The following HIBADH variants were observed in gnomAD, a reference collection of about 807,000 sequenced individuals.
HIBADH encodes the protein 3-hydroxyisobutyrate dehydrogenase, mitochondrial.
Under a neutral mutation model 36.1 loss-of-function variants are expected in HIBADH, and 25 were observed. The observed-to-expected ratio is 0.69, with a 90% confidence interval of 0.50 to 0.97. HIBADH has a LOEUF of 0.97. Ranked by LOEUF, HIBADH falls within the 50% of genes least tolerant of loss-of-function variation. The pLI is 0.00. For synonymous variants in HIBADH, 160 were observed against 149.5 expected (o/e 1.07, Z -0.51); for missense variants, 421 against 418.0 (o/e 1.01, Z -0.06).
intron 4 of HIBADH, among the ~76,000 whole-genome samples, chr7:27,607,300 G>C (rs567986085): frequency 2.0e-5 from 3 of 152,246 alleles, no homozygotes; most frequent in Non-Finnish European, 4.4e-5. Flanking sequence ...CTGAGGTCAG[G>C]AGTTCGAGGC....
At chr7:27,653,464 G>A (rs6944455) in intron 1 of HIBADH, among the ~76,000 whole-genome samples, 23,786 of 152,040 alleles carry the variant, frequency 0.16, 2,033 homozygotes, top group Middle Eastern at 0.2. Context: ...GGCCGGGCGT[G>A]GTGGCTCACG....
intron 4 of HIBADH, among the ~76,000 whole-genome samples, chr7:27,597,221 G>GA (rs1233191547): frequency 2.0e-5 from 3 of 152,220 alleles, no homozygotes; most frequent in African/African-American, 7.2e-5. Context: ...TAATCTGTAA[G>GA]ATGACAGAAA....
chr7:27,551,498 C>A (rs986682808), intron 4 of HIBADH, among the ~76,000 whole-genome samples: 2 of 152,256 alleles, frequency 1.3e-5, no homozygotes, highest in East Asian at 3.9e-4. Flanking sequence ...ATGTCGAAGT[C>A]TTTGATCTAA....
chr7:27,578,205 T>C (rs565566802), intron 4 of HIBADH, among the ~76,000 whole-genome samples: 22 of 152,354 alleles, frequency 1.4e-4, no homozygotes, highest in Middle Eastern at 6.8e-3. Context: ...AGAATCTTTT[T>C]TTTGAAGATA....
At chr7:27,586,747 C>T (rs538452470) in intron 4 of HIBADH, among the ~76,000 whole-genome samples, 2 of 152,278 alleles carry the variant, frequency 1.3e-5, no homozygotes, top group African/African-American at 4.8e-5. Context: ...CTTTGTGGTT[C>T]CAACAGTGAC....
chr7:27,650,142 C>T (rs1223208864), intron 1 of HIBADH, among the ~76,000 whole-genome samples: 1 of 151,732 alleles, frequency 6.6e-6, no homozygotes, highest in East Asian at 1.9e-4. Context: ...TGAAGTATTC[C>T]ATATTATCTC....
chr7:27,613,183 A>T (rs1410505607), intron 4 of HIBADH, among the ~76,000 whole-genome samples: 5 of 126,848 alleles, frequency 3.9e-5, no homozygotes, highest in Non-Finnish European at 8.0e-5. Flanking sequence ...AAATATATTT[A>T]TATAAATATA....
intron 2 of HIBADH, among the ~76,000 whole-genome samples, chr7:27,636,537 A>T (rs1358585317): frequency 6.6e-6 from 1 of 152,228 alleles, no homozygotes; most frequent in African/African-American, 2.4e-5. Context: ...TGGATGCCAG[A>T]TTAGATCCCA....
Position 27,564,960 on chromosome 7 carries a change from G to A in HIBADH, c.485-21860C>T, listed in dbSNP as rs897787316. On this transcript the variant is annotated intron_variant, in intron 4 of 7. Coordinates refer to ENST00000265395, the MANE Select transcript of HIBADH (RefSeq NM_152740.4). ...TTTATTTCTGATGTTTTGAAATCTGGGCCCTTGCTGATCCTGGAGAGACTA... is the reference window on the plus strand; with the variant it reads ...TTTATTTCTGATGTTTTGAAATCTGAGCCCTTGCTGATCCTGGAGAGACTA... 2.6e-5 allele frequency among the ~76,000 whole-genome samples: 4 copies of A among 151,992 alleles called. 1 individual carries two copies. In the South Asian group the frequency reaches 8.3e-4, roughly 32 times the overall value.
chr7:27,585,645 T>C (rs760064244), intron 4 of HIBADH, among the ~76,000 whole-genome samples: 9 of 152,146 alleles, frequency 5.9e-5, no homozygotes, highest in African/African-American at 9.7e-5. Context: ...AAAGCATTTG[T>C]AAGACGATTC....
intron 4 of HIBADH, among the ~76,000 whole-genome samples, chr7:27,551,960 G>T (rs1235026887): frequency 6.6e-6 from 1 of 152,158 alleles, no homozygotes; most frequent in Non-Finnish European, 1.5e-5. Context: ...CTGTCACAGG[G>T]ACCATTTACG....
chr7:27,536,323 T>G (rs1472119645), intron 6 of HIBADH, among the ~76,000 whole-genome samples: 2 of 152,138 alleles, frequency 1.3e-5, no homozygotes, highest in Non-Finnish European at 2.9e-5. Context: ...CACTAGAAAC[T>G]TATAAATTAT....
intron 4 of HIBADH, among the ~76,000 whole-genome samples, chr7:27,544,571 G>A (rs968151446): frequency 2.0e-5 from 3 of 152,130 alleles, no homozygotes; most frequent in Non-Finnish European, 4.4e-5. Context: ...TATCAAGATG[G>A]TAAACCATTA....
intron 4 of HIBADH, among the ~76,000 whole-genome samples, chr7:27,601,856 T>C (rs1016191128): frequency 6.6e-6 from 1 of 152,156 alleles, no homozygotes; most frequent in Non-Finnish European, 1.5e-5. Context: ...AGATTACCTA[T>C]GTGAACTTTT....
chr7:27,552,943 T>C (rs1215066693), intron 4 of HIBADH, among the ~76,000 whole-genome samples: 1 of 152,168 alleles, frequency 6.6e-6, no homozygotes, highest in Non-Finnish European at 1.5e-5. Context: ...AAAACTGAGA[T>C]TTGGTAGGTG....
chr7:27,564,982 A>ACT (rs1326998054), intron 4 of HIBADH, among the ~76,000 whole-genome samples: 1 of 152,132 alleles, frequency 6.6e-6, no homozygotes, highest in Non-Finnish European at 1.5e-5. Flanking sequence ...TCCTGGAGAG[A>ACT]CTACCCCTCC....
At chr7:27,632,295 C>T in intron 3 of HIBADH, 41 bp downstream of exon 3, 1 of 1,280,960 alleles carries the variant, frequency 7.8e-7, no homozygotes, top group Non-Finnish European at 1.1e-6. Context: ...AATTCATGAA[C>T]TATCATAACA....
chr7:27,554,315 GA>G (rs980180395), intron 4 of HIBADH, among the ~76,000 whole-genome samples: 1 of 151,856 alleles, frequency 6.6e-6, no homozygotes, highest in Admixed American at 6.6e-5. Context: ...CAAATAAGAG[GA>G]AAAAAAAGCC....
intron 1 of HIBADH, among the ~76,000 whole-genome samples, chr7:27,650,407 A>C (rs1398996511): frequency 2.0e-5 from 3 of 151,610 alleles, no homozygotes; most frequent in South Asian, 4.1e-4. Flanking sequence ...CAGTATCAGG[A>C]CCTTGGTCTA....
Sources: gnomAD v4.1 joint callset for allele counts (sites outside exome capture counted in the v4.1 genomes callset) on GRCh38, gnomAD v4.1.1 for gene constraint, MANE v1.5 for transcripts, NCBI Gene and HGNC (gene_info 2026-07-23, HGNC 2026-07-21) for gene names.